The following TIMD4 variants were observed in gnomAD, a reference collection of about 807,000 sequenced individuals.
The protein encoded by TIMD4 is T-cell immunoglobulin and mucin domain-containing protein 4.
In TIMD4, 31 loss-of-function variants were observed where a neutral mutation model predicts 41.2. The ratio of observed to expected loss-of-function variants is 0.75; its 90% CI spans 0.57 to 1.01. The LOEUF (loss-of-function observed/expected upper bound fraction) is 1.01. Ranked by LOEUF, TIMD4 falls within the 50% of genes least tolerant of loss-of-function variation. The probability of loss-of-function intolerance (pLI) is 0.00; values close to 1 mark genes in which losing one functional copy is unlikely to be tolerated. For missense variants in TIMD4, 479 were observed against 472.5 expected (o/e 1.01, Z -0.13); for synonymous variants, 204 against 177.1 (o/e 1.15, Z -1.21).
At chr5:156,931,393 T>C (rs962109580) in intron 5 of TIMD4, among the ~76,000 whole-genome samples, 5 of 152,352 alleles carry the variant, frequency 3.3e-5, no homozygotes, top group Non-Finnish European at 7.4e-5. Flanking sequence ...GAAAGGAAGA[T>C]TGACTTTTCA....
Position 156,954,734 on chromosome 5 carries a change from A to C in TIMD4, c.81T>G (p.Val27=), listed in dbSNP as rs1394238623. Residue 27 remains valine (V), a synonymous_variant, in exon 2 of 9, where the codon GTT becomes GTG. Coordinates refer to ENST00000274532, the MANE Select transcript of TIMD4 (RefSeq NM_138379.3). ...CCCGGTGACCCAAAACCTCCGTCAC[A>C]ACAGTCTCTGAAGTGACTGGTGCTG... ...LYLTPVTSET[V]VTEVLGHRVT... 1 of 1,612,800 alleles carries C rather than the reference A, an allele frequency of 6.2e-7. No individual in the cohort carries two copies. The highest frequency in any genetic ancestry group is 8.5e-7 in the Non-Finnish European group (1 of 1,179,152).
intron 5 of TIMD4, among the ~76,000 whole-genome samples, chr5:156,928,201 A>G (rs1460209761): frequency 1.3e-5 from 2 of 152,118 alleles, no homozygotes; most frequent in African/African-American, 4.8e-5. Context: ...GGGAGGCTGA[A>G]GCAGGAGAAT....
intron 5 of TIMD4, among the ~76,000 whole-genome samples, chr5:156,926,679 G>A (rs776158016): frequency 2.6e-5 from 4 of 152,118 alleles, no homozygotes; most frequent in Non-Finnish European, 4.4e-5. Flanking sequence ...ACCTATTATA[G>A]GCCATGCAGT....
At chr5:156,942,531 C>G (rs1458571050) in intron 5 of TIMD4, among the ~76,000 whole-genome samples, 1 of 152,198 alleles carries the variant, frequency 6.6e-6, no homozygotes, top group African/African-American at 2.4e-5. Context: ...TCCCAGTTCT[C>G]CCTCTGTCTA....
intron 5 of TIMD4, among the ~76,000 whole-genome samples, chr5:156,926,660 T>G (rs538894863): frequency 6.6e-6 from 1 of 152,334 alleles, no homozygotes. Flanking sequence ...TAATAAATAT[T>G]TACTGAGCAC....
chr5:156,940,698 G>A (rs1167407855), intron 5 of TIMD4, among the ~76,000 whole-genome samples: 1 of 151,888 alleles, frequency 6.6e-6, no homozygotes, highest in Non-Finnish European at 1.5e-5. Flanking sequence ...TATGAGAAGT[G>A]AGGAGCCCCT....
At chr5:156,923,335 G>C (rs1490817930) in intron 6 of TIMD4, among the ~76,000 whole-genome samples, 1 of 151,880 alleles carries the variant, frequency 6.6e-6, no homozygotes, top group Non-Finnish European at 1.5e-5. Flanking sequence ...TTTTAGTACA[G>C]ATGGGTTTCC....
rs753148006 is a variant in TIMD4, at chr5:156,919,452, C to T, written c.*5G>A. 2.0e-5 allele frequency: 32 copies of T among 1,612,526 alleles called. No individual in the cohort carries two copies. The highest frequency in any genetic ancestry group is 2.5e-5 in the Non-Finnish European group (29 of 1,178,752). The stretch of plus-strand genomic sequence containing the variant: ...CCATCCTCAATCTAACATGCTACTG[C>T]GTTGTTAGAGGGTAAAAAGGCCGTC... On this transcript the variant is annotated 3_prime_UTR_variant, in exon 9 of 9. Coordinates refer to ENST00000274532, the MANE Select transcript of TIMD4 (RefSeq NM_138379.3).
chr5:156,956,628 C>T (rs1171253198), intron 1 of TIMD4, among the ~76,000 whole-genome samples: 1 of 152,254 alleles, frequency 6.6e-6, no homozygotes. Context: ...TCATCTCTGA[C>T]AATCTGCAAA....
At chr5:156,937,543 T>C (rs1252352671) in intron 5 of TIMD4, among the ~76,000 whole-genome samples, 1 of 152,204 alleles carries the variant, frequency 6.6e-6, no homozygotes, top group Non-Finnish European at 1.5e-5. Context: ...TTGTTAGCCA[T>C]CAATGAGGAC....
Position 156,919,453 on chromosome 5 carries a change from G to A in TIMD4, c.*4C>T, listed in dbSNP as rs79754057. ...CATCCTCAATCTAACATGCTACTGCGTTGTTAGAGGGTAAAAAGGCCGTCT... is the reference window on the plus strand; with the variant it reads ...CATCCTCAATCTAACATGCTACTGCATTGTTAGAGGGTAAAAAGGCCGTCT... On this transcript the variant is annotated 3_prime_UTR_variant, in exon 9 of 9. Coordinates refer to ENST00000274532, the MANE Select transcript of TIMD4 (RefSeq NM_138379.3). The A allele has an allele frequency of 9.1e-3, 14,718 of 1,612,804 alleles. 477 individuals are homozygous for A. Among genetic ancestry groups the A allele is most frequent in the African/African-American group, 0.088 (6,579 of 74,964 alleles).
chr5:156,929,641 G>A (rs1050713453), intron 5 of TIMD4, among the ~76,000 whole-genome samples: 1 of 152,146 alleles, frequency 6.6e-6, no homozygotes, highest in Non-Finnish European at 1.5e-5. Flanking sequence ...GGCAAGGAAG[G>A]GTTCTCCTTT....
Position 156,951,563 on chromosome 5 carries a change from T to C in TIMD4, c.628A>G (p.Thr210Ala), listed in dbSNP as rs764478895. 3 of 1,614,132 alleles carry C rather than the reference T, an allele frequency of 1.9e-6. No homozygotes were observed. The highest frequency in any genetic ancestry group is 2.5e-6 in the Non-Finnish European group (3 of 1,180,012). Residue 210 changes from threonine to alanine, a missense_variant, in exon 3 of 9, where the codon ACA becomes GCA. Physicochemically the swap from Thr to Ala is moderately conservative, Grantham distance 58. Coordinates refer to ENST00000274532, the MANE Select transcript of TIMD4 (RefSeq NM_138379.3). ...GAAGGCTCGGGAGTCAGAAGACCTG[T>C]GGCTTCCTCCGGAAGGGTGCTTGGG... ...LTPSTLPEEATGLLTPEPSKE... is the reference protein window; with the variant it reads ...LTPSTLPEEAAGLLTPEPSKE...
At chr5:156,949,557 G>A (rs1759813660) in intron 4 of TIMD4, 94 bp downstream of exon 4, 2 of 1,088,204 alleles carry the variant, frequency 1.8e-6, no homozygotes, top group South Asian at 1.3e-5. Context: ...ACCCAAAGAG[G>A]TTGTCAGTCA....
intron 5 of TIMD4, among the ~76,000 whole-genome samples, chr5:156,927,903 C>T (rs140283772): frequency 2.6e-5 from 4 of 152,106 alleles, no homozygotes; most frequent in African/African-American, 7.2e-5. Context: ...CCCTAACAAG[C>T]AGTTGATGCA....
At chr5:156,921,559 C>CAGTA (rs1759239453) in intron 7 of TIMD4, among the ~76,000 whole-genome samples, 1 of 129,384 alleles carries the variant, frequency 7.7e-6, no homozygotes, top group Admixed American at 9.8e-5. Context: ...GGCGGAGGTG[C>CAGTA]AGTAAGCTGA....
At chr5:156,933,070 C>A (rs1225041153) in intron 5 of TIMD4, among the ~76,000 whole-genome samples, 1 of 151,390 alleles carries the variant, frequency 6.6e-6, no homozygotes, top group South Asian at 2.1e-4. Flanking sequence ...ATTGTTCTAT[C>A]GAATATATGA....
chr5:156,958,716 A>G (rs542851952), intron 1 of TIMD4, among the ~76,000 whole-genome samples: 1 of 152,242 alleles, frequency 6.6e-6, no homozygotes, highest in African/African-American at 2.4e-5. Flanking sequence ...TCCACCCTAG[A>G]AAAACACAAG....
At chr5:156,939,693 A>G (rs1377761861) in intron 5 of TIMD4, among the ~76,000 whole-genome samples, 1 of 152,084 alleles carries the variant, frequency 6.6e-6, no homozygotes, top group Non-Finnish European at 1.5e-5. Context: ...CATTCTCCCA[A>G]CTGCAGAGAA....
Sources: gnomAD v4.1 joint callset for allele counts (sites outside exome capture counted in the v4.1 genomes callset) on GRCh38, gnomAD v4.1.1 for gene constraint, MANE v1.5 for transcripts, NCBI Gene and HGNC (gene_info 2026-07-23, HGNC 2026-07-21) for gene names.